ROBO1: variants seen among roughly 807,000 people sequenced by gnomAD.
The protein encoded by ROBO1 is roundabout guidance receptor 1, also known as roundabout homolog 1.
In ROBO1, 149 loss-of-function variants were observed where a neutral mutation model predicts 195.9. The observed-to-expected ratio is 0.76, with a 90% CI of 0.67 to 0.87. The LOEUF (loss-of-function observed/expected upper bound fraction) is 0.87, where lower values mean the gene tolerates loss of function less well. Ranked by LOEUF, ROBO1 falls within the 40% of genes least tolerant of loss-of-function variation. ROBO1 has a pLI of 0.00. For synonymous variants in ROBO1, 816 were observed against 733.2 expected (o/e 1.11, Z -1.82); for missense variants, 1,933 against 2,068.3 (o/e 0.93, Z 1.27).
chr3:79,743,565 A>G (rs916561901), intron 1 of ROBO1, among the ~76,000 whole-genome samples: 1 of 152,222 alleles, frequency 6.6e-6, no homozygotes, highest in African/African-American at 2.4e-5. Context: ...TTTCTTTACT[A>G]ATAAATTAAC....
At chr3:79,721,999 T>C in intron 1 of ROBO1, among the ~76,000 whole-genome samples, 1 of 152,156 alleles carries the variant, frequency 6.6e-6, no homozygotes, top group East Asian at 1.9e-4. Flanking sequence ...ATTAAAACAT[T>C]TAGAAACTCA....
intron 3 of ROBO1, among the ~76,000 whole-genome samples, chr3:79,107,429 C>A (rs2079805509): frequency 6.6e-6 from 1 of 151,704 alleles, no homozygotes; most frequent in East Asian, 1.9e-4. Flanking sequence ...ACATAAAATA[C>A]ATTTTACTGA....
At chr3:79,727,426 TA>T (rs1702970169) in intron 1 of ROBO1, among the ~76,000 whole-genome samples, 1 of 152,196 alleles carries the variant, frequency 6.6e-6, no homozygotes. Context: ...GGTTTTAATT[TA>T]AAAATAAACT....
chr3:79,704,404 C>T (rs1199000250), intron 1 of ROBO1, among the ~76,000 whole-genome samples: 1 of 151,928 alleles, frequency 6.6e-6, no homozygotes, highest in Non-Finnish European at 1.5e-5. Context: ...ATAGTTTTGA[C>T]TTTTCTAGAA....
intron 2 of ROBO1, among the ~76,000 whole-genome samples, chr3:79,414,217 C>T (rs2037902613): frequency 6.7e-6 from 1 of 149,966 alleles, no homozygotes; most frequent in African/African-American, 2.5e-5. Flanking sequence ...CTCTCTCTCT[C>T]CCTCCTCTTT....
At chr3:79,754,471 G>A (rs10511120) in intron 1 of ROBO1, among the ~76,000 whole-genome samples, 5,590 of 152,076 alleles carry the variant, frequency 0.037, 352 homozygotes, top group African/African-American at 0.13. Context: ...ATTTTAAGAC[G>A]GTAAGTAACA....
At chr3:79,732,743 C>A (rs545937099) in intron 1 of ROBO1, among the ~76,000 whole-genome samples, 145 of 152,212 alleles carry the variant, frequency 9.5e-4, no homozygotes, top group African/African-American at 3.4e-3. Context: ...ACTATGTTTT[C>A]CTCTTGCTTT....
chr3:79,222,293 C>T (rs549509296), intron 2 of ROBO1, among the ~76,000 whole-genome samples: 2 of 152,094 alleles, frequency 1.3e-5, no homozygotes, highest in South Asian at 4.1e-4. Flanking sequence ...GTGAACTTGG[C>T]CAATTAATTT....
intron 1 of ROBO1, among the ~76,000 whole-genome samples, chr3:79,694,757 T>C (rs934976470): frequency 7.3e-5 from 11 of 151,680 alleles, no homozygotes; most frequent in African/African-American, 2.7e-4. Flanking sequence ...ATACAATATA[T>C]GAAACATTTC....
chr3:79,335,300 G>T (rs1241583390), intron 2 of ROBO1, among the ~76,000 whole-genome samples: 1 of 152,106 alleles, frequency 6.6e-6, no homozygotes, highest in Non-Finnish European at 1.5e-5. Flanking sequence ...AATTTGTACA[G>T]GGAGTGACAA....
At chr3:79,592,906 T>A (rs1944050053) in intron 1 of ROBO1, among the ~76,000 whole-genome samples, 2 of 152,040 alleles carry the variant, frequency 1.3e-5, no homozygotes, top group South Asian at 4.1e-4. Flanking sequence ...TCCCTCCCCC[T>A]TCCGAACCCC....
At chr3:79,471,801 T>C (rs990529647) in intron 2 of ROBO1, among the ~76,000 whole-genome samples, 1 of 152,046 alleles carries the variant, frequency 6.6e-6, no homozygotes, top group Non-Finnish European at 1.5e-5. Flanking sequence ...TGGATGAACC[T>C]GGAAACCATC....
chr3:78,903,921 T>C (rs147016544), intron 4 of ROBO1, among the ~76,000 whole-genome samples: 55 of 152,114 alleles, frequency 3.6e-4, no homozygotes, highest in African/African-American at 1.3e-3. Flanking sequence ...TTGGGGTAAG[T>C]TAACTAATCA....
chr3:78,648,268 AT>A (rs1706426791), intron 19 of ROBO1, among the ~76,000 whole-genome samples: 1 of 152,132 alleles, frequency 6.6e-6, no homozygotes, highest in African/African-American at 2.4e-5. Flanking sequence ...CTGAGTGGAA[AT>A]GCCTGACATC....
intron 1 of ROBO1, among the ~76,000 whole-genome samples, chr3:79,699,658 T>C (rs909204412): frequency 6.6e-6 from 1 of 151,486 alleles, no homozygotes; most frequent in Non-Finnish European, 1.5e-5. Flanking sequence ...TGTTGTTGTT[T>C]TTTTTTCATA....
At chr3:78,743,087 C>T (rs775572668) in intron 5 of ROBO1, among the ~76,000 whole-genome samples, 40 of 151,942 alleles carry the variant, frequency 2.6e-4, no homozygotes, top group Non-Finnish European at 4.3e-4. Context: ...CAAAATATAA[C>T]CTTTAAAATT....
chr3:78,710,039 A>G (rs1195275047), intron 8 of ROBO1, among the ~76,000 whole-genome samples: 1 of 152,134 alleles, frequency 6.6e-6, no homozygotes, highest in Non-Finnish European at 1.5e-5. Context: ...AAAATCCAAC[A>G]CATTTACTAT....
chr3:79,661,677 A>C (rs1328077379), intron 1 of ROBO1, among the ~76,000 whole-genome samples: 1 of 151,912 alleles, frequency 6.6e-6, no homozygotes, highest in Non-Finnish European at 1.5e-5. Flanking sequence ...ACAGGTGTAC[A>C]TTTAGAGATT....
chr3:78,716,025 T>C lies in ROBO1; in HGVS notation c.917+1250A>G, dbSNP rs546298122. Reference sequence around the variant, plus strand: ...TAAACTTTATGCCATTCAAAGGAGATGACATTCCTTCTCAGCTTTGTGTCT... The same window carrying C: ...TAAACTTTATGCCATTCAAAGGAGACGACATTCCTTCTCAGCTTTGTGTCT... On this transcript the variant is annotated intron_variant, in intron 7 of 30. Coordinates refer to ENST00000464233, the MANE Select transcript of ROBO1 (RefSeq NM_002941.4). Among the ~76,000 whole-genome samples, 3 of 152,208 alleles carry C rather than the reference T, an allele frequency of 2.0e-5. No individual in the cohort carries two copies. The East Asian group carries it at 5.8e-4, about 29-fold the overall frequency.
Sources: gnomAD v4.1 joint callset for allele counts (sites outside exome capture counted in the v4.1 genomes callset) on GRCh38, gnomAD v4.1.1 for gene constraint, MANE v1.5 for transcripts, NCBI Gene and HGNC (gene_info 2026-07-23, HGNC 2026-07-21) for gene names.